KIAA1328: variants seen among roughly 807,000 people sequenced by gnomAD.
KIAA1328 encodes the protein protein hinderin.
In KIAA1328, 52 loss-of-function variants were observed where a neutral mutation model predicts 68.1. The observed-to-expected ratio is 0.76, with a 90% CI of 0.61 to 0.96. The LOEUF is 0.96. Among genes scored for constraint, KIAA1328 ranks in the 40% least tolerant of loss-of-function variants. The probability of loss-of-function intolerance (pLI) is 0.00; values close to 1 mark genes in which losing one functional copy is unlikely to be tolerated. For missense variants in KIAA1328, 641 were observed against 677.6 expected (o/e 0.95, Z 0.60); for synonymous variants, 232 against 239.4 (o/e 0.97, Z 0.28).
intron 7 of KIAA1328, among the ~76,000 whole-genome samples, chr18:37,135,747 T>C (rs1480277549): frequency 6.6e-6 from 1 of 152,166 alleles, no homozygotes; most frequent in Non-Finnish European, 1.5e-5. Context: ...TAATCGTAAA[T>C]TATTTCCCAA....
intron 7 of KIAA1328, among the ~76,000 whole-genome samples, chr18:37,088,125 C>T (rs1441395405): frequency 6.6e-6 from 1 of 152,158 alleles, no homozygotes; most frequent in East Asian, 1.9e-4. Context: ...TCTTTTCAAC[C>T]CCAGCTAGCA....
intron 7 of KIAA1328, among the ~76,000 whole-genome samples, chr18:37,112,984 A>C (rs975537454): frequency 6.6e-6 from 1 of 152,230 alleles, no homozygotes; most frequent in Non-Finnish European, 1.5e-5. Flanking sequence ...AAATGAAAAA[A>C]GCCTCCAAGA....
rs144900470 is a variant in KIAA1328, at chr18:37,071,387, T to A, written c.1232+3842T>A. Among the ~76,000 whole-genome samples, 220 of 152,260 alleles carry A rather than the reference T, an allele frequency of 1.4e-3. 3 individuals carry two copies. Among genetic ancestry groups the A allele is most frequent in the African/African-American group, 5.1e-3 (211 of 41,556 alleles). On this transcript the variant is annotated intron_variant, in intron 7 of 9. Coordinates refer to ENST00000280020, the MANE Select transcript of KIAA1328 (RefSeq NM_020776.3). ...CGCACCCGGCCCAGACACTTACTTT[T>A]AATGTAAAGTGTATATGATTTCCCA...
chr18:37,085,913 A>T (rs2057089251), intron 7 of KIAA1328, among the ~76,000 whole-genome samples: 1 of 152,078 alleles, frequency 6.6e-6, no homozygotes, highest in African/African-American at 2.4e-5. Context: ...TATTTATAAG[A>T]TTGTAAATAT....
At chr18:36,850,343 C>T (rs948336147) in intron 4 of KIAA1328, among the ~76,000 whole-genome samples, 1 of 151,866 alleles carries the variant, frequency 6.6e-6, no homozygotes, top group African/African-American at 2.4e-5. Context: ...TACTCTGAAA[C>T]TTTACTGAAT....
intron 6 of KIAA1328, among the ~76,000 whole-genome samples, chr18:36,989,855 C>T (rs2053102319): frequency 6.6e-6 from 1 of 152,096 alleles, no homozygotes; most frequent in Non-Finnish European, 1.5e-5. Flanking sequence ...CCACCACGCT[C>T]AGCTAATTTT....
At chr18:36,906,019 C>T (rs937354387) in intron 5 of KIAA1328, among the ~76,000 whole-genome samples, 10 of 152,132 alleles carry the variant, frequency 6.6e-5, no homozygotes, top group African/African-American at 2.4e-4. Flanking sequence ...TGGGAAACAA[C>T]TTATAAACTA....
intron 7 of KIAA1328, among the ~76,000 whole-genome samples, chr18:37,099,423 C>T (rs2057526495): frequency 6.6e-6 from 1 of 152,204 alleles, no homozygotes; most frequent in African/African-American, 2.4e-5. Flanking sequence ...AGTTTGATTG[C>T]ACTGTGGTCT....
intron 9 of KIAA1328, among the ~76,000 whole-genome samples, chr18:37,209,572 G>A (rs187350291): frequency 1.3e-5 from 2 of 152,240 alleles, no homozygotes; most frequent in South Asian, 4.1e-4. Flanking sequence ...GCTAAAGAAG[G>A]CCTCTTTGAG....
At chr18:37,212,772 G>A (rs1446261694) in intron 9 of KIAA1328, among the ~76,000 whole-genome samples, 1 of 152,096 alleles carries the variant, frequency 6.6e-6, no homozygotes, top group Non-Finnish European at 1.5e-5. Context: ...CCAGGCTGGA[G>A]TGCACTGGCA....
At chr18:37,189,731 A>G (rs927008094) in intron 9 of KIAA1328, among the ~76,000 whole-genome samples, 1 of 152,162 alleles carries the variant, frequency 6.6e-6, no homozygotes, top group African/African-American at 2.4e-5. Flanking sequence ...TATATGGGTT[A>G]GGGAGGGTTT....
chr18:36,988,393 C>A (rs936954733), intron 6 of KIAA1328, among the ~76,000 whole-genome samples: 4 of 152,146 alleles, frequency 2.6e-5, no homozygotes, highest in Admixed American at 2.6e-4. Flanking sequence ...TTGATTTACT[C>A]TGCAATAAAT....
intron 7 of KIAA1328, among the ~76,000 whole-genome samples, chr18:37,072,156 T>C (rs1478293377): frequency 6.6e-6 from 1 of 152,148 alleles, no homozygotes; most frequent in East Asian, 1.9e-4. Context: ...TTTTATCTTT[T>C]TGTTGTTTTG....
intron 6 of KIAA1328, among the ~76,000 whole-genome samples, chr18:36,976,712 ATTGT>A (rs1425709313): frequency 1.3e-5 from 2 of 152,056 alleles, no homozygotes; most frequent in African/African-American, 4.8e-5. Context: ...GGAGTGGTAC[ATTGT>A]TTATTTTCTC....
At chr18:36,852,570 A>T (rs1437598259) in intron 4 of KIAA1328, among the ~76,000 whole-genome samples, 1 of 151,926 alleles carries the variant, frequency 6.6e-6, no homozygotes, top group Non-Finnish European at 1.5e-5. Context: ...ACCAATCATT[A>T]CCTCCTCCTC....
intron 7 of KIAA1328, among the ~76,000 whole-genome samples, chr18:37,148,336 C>A (rs550691591): frequency 4.6e-5 from 7 of 152,270 alleles, no homozygotes; most frequent in Admixed American, 6.5e-5. Context: ...CATAGTATTC[C>A]ATGGTGTATA....
chr18:37,207,444 C>T, intron 9 of KIAA1328, among the ~76,000 whole-genome samples: 1 of 152,118 alleles, frequency 6.6e-6, no homozygotes, highest in South Asian at 2.1e-4. Context: ...GCTTGATTTC[C>T]CATAATTTAG....
chr18:37,034,680 T>C lies in KIAA1328; in HGVS notation c.577-32210T>C, dbSNP rs558760043. Among the ~76,000 whole-genome samples, 24 of 152,338 alleles carry C rather than the reference T, an allele frequency of 1.6e-4. No individual in the cohort carries two copies. In the East Asian group the frequency reaches 3.9e-3, roughly 25 times the overall value. Reference sequence around the variant, plus strand: ...GCTTTGTAAATATCTATTAATACTCTTAAATAATAAAGAAATATGAAATAT... The same window carrying C: ...GCTTTGTAAATATCTATTAATACTCCTAAATAATAAAGAAATATGAAATAT... On this transcript the variant is annotated intron_variant, in intron 6 of 9. Transcript: ENST00000280020.
chr18:37,062,479 G>C (rs1335772778), intron 6 of KIAA1328, among the ~76,000 whole-genome samples: 1 of 149,506 alleles, frequency 6.7e-6, no homozygotes, highest in African/African-American at 2.5e-5. Flanking sequence ...TTGAGACAGA[G>C]TCTCACTCTA....
Sources: allele counts gnomAD v4.1 joint callset (sites outside exome capture counted in the v4.1 genomes callset), GRCh38; gene constraint gnomAD v4.1.1; transcripts MANE v1.5; gene names NCBI Gene and HGNC (gene_info 2026-07-23, HGNC 2026-07-21).